EDIL3: variants seen among roughly 807,000 people sequenced by gnomAD.
EDIL3 encodes the protein EGF-like repeat and discoidin I-like domain-containing protein 3.
EDIL3 carries 37 observed loss-of-function variants against 67.4 expected under a neutral mutation model. The observed-to-expected ratio is 0.55, with a 90% confidence interval of 0.42 to 0.72. The LOEUF is 0.72. EDIL3 is among the 30% of genes least tolerant of loss of function. The pLI, the probability that EDIL3 is intolerant of heterozygous loss-of-function variation, is 0.00. For missense variants in EDIL3, 527 were observed against 586.3 expected, an observed-to-expected ratio of 0.90 and a Z score of 1.04; for synonymous variants, 195 against 196.3, an observed-to-expected ratio of 0.99 and a Z score of 0.05.
intron 9 of EDIL3, among the ~76,000 whole-genome samples, chr5:84,002,898 C>G (rs1042945894): frequency 5.3e-5 from 8 of 152,164 alleles, no homozygotes; most frequent in Non-Finnish European, 8.8e-5. Context: ...AACCCCTGCT[C>G]TTCTCTAGGC....
At chr5:84,374,210 GAA>G (rs199975282) in intron 1 of EDIL3, among the ~76,000 whole-genome samples, 12 of 128,782 alleles carry the variant, frequency 9.3e-5, no homozygotes, top group African/African-American at 2.0e-4. Flanking sequence ...CCAAGAACTG[GAA>G]AAAAAAAAAA....
chr5:84,293,113 AC>A (rs1745962002), intron 1 of EDIL3, among the ~76,000 whole-genome samples: 1 of 151,924 alleles, frequency 6.6e-6, no homozygotes, highest in Non-Finnish European at 1.5e-5. Flanking sequence ...GCTTATTGTG[AC>A]CTTCTAGGTG....
chr5:84,187,048 G>A (rs1422765593), intron 3 of EDIL3, among the ~76,000 whole-genome samples: 2 of 151,946 alleles, frequency 1.3e-5, no homozygotes, highest in African/African-American at 4.8e-5. Context: ...AAGCATAAAT[G>A]GACTTTCAAG....
intron 8 of EDIL3, among the ~76,000 whole-genome samples, chr5:84,063,609 A>C (rs1746581212): frequency 6.6e-6 from 1 of 152,158 alleles, no homozygotes; most frequent in South Asian, 2.1e-4. Flanking sequence ...CTTGAAAATC[A>C]ATCCTTTTTT....
intron 5 of EDIL3, among the ~76,000 whole-genome samples, chr5:84,130,210 G>A (rs1182113286): frequency 6.6e-6 from 1 of 151,922 alleles, no homozygotes; most frequent in Admixed American, 6.6e-5. Flanking sequence ...TGCCCTCATG[G>A]CACTTACCAT....
At chr5:84,209,078 A>G (rs1744055914) in intron 3 of EDIL3, among the ~76,000 whole-genome samples, 1 of 152,196 alleles carries the variant, frequency 6.6e-6, no homozygotes. Flanking sequence ...CTTTGTAGGG[A>G]CATGGATGAA....
chr5:84,070,639 G>C (rs1295759318), intron 6 of EDIL3, among the ~76,000 whole-genome samples: 1 of 150,070 alleles, frequency 6.7e-6, no homozygotes, highest in African/African-American at 2.5e-5. Flanking sequence ...GTGTGTGTGT[G>C]TGTGTGTGTT....
intron 4 of EDIL3, among the ~76,000 whole-genome samples, chr5:84,168,766 T>G (rs1288000214): frequency 6.6e-6 from 1 of 152,160 alleles, no homozygotes; most frequent in Non-Finnish European, 1.5e-5. Flanking sequence ...TCCCAGGTGG[T>G]TGCAAGGTTC....
At chr5:84,278,220 A>G (rs1745626734) in intron 1 of EDIL3, among the ~76,000 whole-genome samples, 1 of 152,216 alleles carries the variant, frequency 6.6e-6, no homozygotes, top group Non-Finnish European at 1.5e-5. Context: ...ACATATGGAA[A>G]AGAATGAAAG....
intron 6 of EDIL3, among the ~76,000 whole-genome samples, chr5:84,090,563 ATTTAAAAAGCTCTTCAGAT>A (rs1747147671): frequency 6.6e-6 from 1 of 152,182 alleles, no homozygotes; most frequent in African/African-American, 2.4e-5. Flanking sequence ...TGGGAACCAT[ATTTAAAAAGCTCTTCAGAT>A]AATTTTTATG....
At chr5:84,026,404 CT>C (rs994507673) in intron 9 of EDIL3, among the ~76,000 whole-genome samples, 4 of 151,992 alleles carry the variant, frequency 2.6e-5, no homozygotes, top group African/African-American at 9.7e-5. Context: ...TTCCATCTTT[CT>C]TTTTTATCTT....
intron 6 of EDIL3, among the ~76,000 whole-genome samples, chr5:84,070,867 TG>T (rs1456779761): frequency 6.6e-6 from 1 of 152,168 alleles, no homozygotes; most frequent in East Asian, 1.9e-4. Context: ...AGTGTATGTT[TG>T]TGTAGCTGGG....
At chr5:84,050,529 G>A (rs1290423720) in intron 9 of EDIL3, among the ~76,000 whole-genome samples, 1 of 152,228 alleles carries the variant, frequency 6.6e-6, no homozygotes, top group East Asian at 1.9e-4. Flanking sequence ...GCCTCACCTG[G>A]GAAGTGCAAG....
intron 9 of EDIL3, among the ~76,000 whole-genome samples, chr5:84,036,189 T>TGGCA (rs1746019135): frequency 6.6e-6 from 1 of 152,188 alleles, no homozygotes; most frequent in Non-Finnish European, 1.5e-5. Context: ...GACCTGTCTC[T>TGGCA]TCTAGGGATG....
intron 1 of EDIL3, among the ~76,000 whole-genome samples, chr5:84,299,518 T>G (rs1269885042): frequency 6.6e-6 from 1 of 152,050 alleles, no homozygotes; most frequent in Non-Finnish European, 1.5e-5. Context: ...TAAATTACCT[T>G]TTTTCCCCCT....
chr5:84,139,236 CG>C lies in EDIL3; in HGVS notation c.356-1883del, dbSNP rs1239612518. Among the ~76,000 whole-genome samples the C allele has an allele frequency of 1.4e-4, 19 of 131,718 alleles. No individual in the cohort carries two copies. The South Asian group carries it at 2.6e-3, about 18-fold the overall frequency. The allele number at this position is 131,718 out of a possible 152,430, so 86.4% of individuals were successfully genotyped here. A position where few individuals can be genotyped will look rare whatever the true frequency, so the allele number is the denominator to read the frequency against. On this transcript the variant is annotated intron_variant, in intron 4 of 10. Coordinates refer to ENST00000296591, the MANE Select transcript of EDIL3 (RefSeq NM_005711.5). ...TGGGCAACAGAGCTAGACTCTGTCT[CG>C]GGGGAAAAAAAGTATGATAGACTCC...
At chr5:84,018,813 A>G (rs1315648127) in intron 9 of EDIL3, among the ~76,000 whole-genome samples, 2 of 152,212 alleles carry the variant, frequency 1.3e-5, no homozygotes, top group African/African-American at 4.8e-5. Flanking sequence ...ATCACTGGCC[A>G]TCAGAGAAAT....
In EDIL3 at chr5:84,064,789, G is replaced by A. The variant is rs1412325557; in HGVS notation, c.863C>T (p.Pro288Leu). 3 of 1,613,768 alleles carry A rather than the reference G, an allele frequency of 1.9e-6. No individual in the cohort carries two copies. Among genetic ancestry groups the A allele is most frequent in the South Asian group, 1.1e-5 (1 of 91,028 alleles). ...NTPYANSFTPPIKAQYVRLYP... is the reference protein window; with the variant it reads ...NTPYANSFTPLIKAQYVRLYP... ...GAGTCTTACATACTGAGCTTTTATG[G>A]GGGGTGTGAAAGAGTTAGCATATGG... Residue 288 changes from proline (P) to leucine (L), a missense_variant, in exon 8 of 11, where the codon CCC becomes CTC. Around this residue, in one of 2 missense-constraint regions of EDIL3, gnomAD observed 494 missense variants for 522.5 expected, o/e 0.95. Coordinates refer to ENST00000296591, the MANE Select transcript of EDIL3 (RefSeq NM_005711.5).
At position 84,384,588 on chromosome 5, in the gene EDIL3, C is replaced by G. The variant is rs1027883069; in HGVS notation, c.-214G>C. 3 of 399,622 alleles carry G rather than the reference C, an allele frequency of 7.5e-6. No homozygotes were observed. Among genetic ancestry groups the G allele is most frequent in the Non-Finnish European group, 1.3e-5 (3 of 229,840 alleles). The allele number at this position is 399,622 out of a possible 1,614,324, so 24.8% of individuals were successfully genotyped here. A position where few individuals can be genotyped will look rare whatever the true frequency, so the allele number is the denominator to read the frequency against. ...CTTTCCTCCCCTTTTGCCTGCGCTC[C>G]GGCGCGCGGAGGTGGGTGAGCTCCG... On this transcript the variant is annotated 5_prime_UTR_variant, in exon 1 of 11. Coordinates refer to ENST00000296591, the MANE Select transcript of EDIL3 (RefSeq NM_005711.5).
Sources: allele counts gnomAD v4.1 joint callset (sites outside exome capture counted in the v4.1 genomes callset), GRCh38; gene constraint gnomAD v4.1.1; regional missense constraint gnomAD v4.1.1; transcripts MANE v1.5; gene names NCBI Gene and HGNC (gene_info 2026-07-23, HGNC 2026-07-21).